STK32B: variants seen among roughly 807,000 people sequenced by gnomAD.
STK32B encodes the protein serine/threonine-protein kinase 32B.
Under a neutral mutation model 52.6 loss-of-function variants are expected in STK32B, and 43 were observed. That is an observed-to-expected ratio of 0.82 (90% CI 0.64 to 1.05). STK32B has a LOEUF of 1.05. Ranked by LOEUF, STK32B falls within the 50% of genes least tolerant of loss-of-function variation. STK32B has a pLI of 0.00. For missense variants in STK32B, 621 were observed against 534.6 expected (o/e 1.16, Z -1.59); for synonymous variants, 238 against 204.3 (o/e 1.17, Z -1.41).
intron 3 of STK32B, among the ~76,000 whole-genome samples, chr4:5,234,916 A>G (rs1724522074): frequency 6.6e-6 from 1 of 152,284 alleles, no homozygotes; most frequent in Admixed American, 6.5e-5. Context: ...AGGTTGAATC[A>G]AAAGAATGAA....
At chr4:5,382,773 C>G (rs1736014329) in intron 4 of STK32B, among the ~76,000 whole-genome samples, 1 of 152,174 alleles carries the variant, frequency 6.6e-6, no homozygotes, top group Admixed American at 6.5e-5. Flanking sequence ...AGCCTGGACT[C>G]ATTCTTTTTT....
At position 5,333,077 on chromosome 4, in the gene STK32B, T is replaced by C. The variant is rs1407362683; in HGVS notation, c.434+1684T>C. ...ATCCCTGAGGAATCGCCACACTGAC[T>C]TCCACAATGGTTGAACTAGTTTACA... On this transcript the variant is annotated intron_variant, in intron 4 of 11. Transcript: ENST00000282908. Among the ~76,000 whole-genome samples the C allele has an allele frequency of 3.3e-5, 5 of 149,350 alleles. No individual in the cohort carries two copies. In the South Asian group the frequency reaches 6.3e-4, roughly 19 times the overall value.
At chr4:5,304,654 C>T (rs1280887304) in intron 3 of STK32B, among the ~76,000 whole-genome samples, 1 of 152,084 alleles carries the variant, frequency 6.6e-6, no homozygotes, top group Admixed American at 6.6e-5. Flanking sequence ...TTCCTCATTA[C>T]CAATTTGGAT....
chr4:5,081,404 A>G (rs1712420906), intron 1 of STK32B, among the ~76,000 whole-genome samples: 1 of 152,178 alleles, frequency 6.6e-6, no homozygotes, highest in Non-Finnish European at 1.5e-5. Flanking sequence ...ATGTCCGTAT[A>G]TCTCCGCATA....
rs1012524394 is a variant in STK32B, at chr4:5,395,710, G to A, written c.435-2497G>A. On this transcript the variant is annotated intron_variant, in intron 4 of 11. Transcript: ENST00000282908. The surrounding 1 kb of genome is among the most constrained non-coding windows in gnomAD (Gnocchi z 4.4). Reference sequence around the variant, plus strand: ...CTCTGTGCTAAGAGCCAACACAGAAGCAATGTGTGTTATGTATCAGGTATT... The same window carrying A: ...CTCTGTGCTAAGAGCCAACACAGAAACAATGTGTGTTATGTATCAGGTATT... Among the ~76,000 whole-genome samples the A allele has an allele frequency of 3.7e-4, 57 of 152,360 alleles. No homozygotes were observed. The highest frequency in any genetic ancestry group is 1.2e-3 in the African/African-American group (51 of 41,586).
At chr4:5,166,720 C>G (rs923253176) in intron 2 of STK32B, among the ~76,000 whole-genome samples, 2 of 151,866 alleles carry the variant, frequency 1.3e-5, no homozygotes, top group African/African-American at 4.8e-5. Context: ...GGACTCCCAG[C>G]CCTCAGAACT....
chr4:5,168,324 C>G lies in STK32B; in HGVS notation c.134C>G (p.Thr45Ser). Residue 45 changes from threonine (T) to serine (S), a missense_variant, in exon 3 of 12, where the codon ACT (threonine) becomes AGT (serine). Physicochemically the swap from Thr to Ser is moderately conservative, Grantham distance 58. Coordinates refer to ENST00000282908, the MANE Select transcript of STK32B (RefSeq NM_018401.3). ...GKVCIVQKRD[T>S]KKMYAMKYMN... is the part of the protein sequence containing the mutation. ...GTATGCATCGTGCAGAAGCGAGACA[C>G]TAAGAAAATGTATGCAATGAAGTAC... 1.2e-6 allele frequency: 2 copies of G among 1,613,922 alleles called. No homozygotes were observed. The highest frequency in any genetic ancestry group is 1.7e-6 in the Non-Finnish European group (2 of 1,179,972).
intron 2 of STK32B, among the ~76,000 whole-genome samples, chr4:5,157,221 G>A (rs184299087): frequency 5.3e-5 from 8 of 151,420 alleles, no homozygotes; most frequent in Non-Finnish European, 2.9e-5. Context: ...GGAATGCCTG[G>A]CAGGATACTG....
At chr4:5,428,466 A>G (rs775577737) in intron 6 of STK32B, among the ~76,000 whole-genome samples, 5 of 152,190 alleles carry the variant, frequency 3.3e-5, no homozygotes, top group Admixed American at 6.5e-5. Flanking sequence ...GGAATTTTTA[A>G]TATATCTTTC....
Position 5,467,955 on chromosome 4 carries a change from G to A in STK32B, c.1042-51G>A, listed in dbSNP as rs763541907. The A allele has an allele frequency of 1.6e-5, 26 of 1,603,900 alleles. No homozygotes were observed. Among genetic ancestry groups the A allele is most frequent in the South Asian group, 1.1e-4 (10 of 90,864 alleles). On this transcript the variant is annotated intron_variant, in intron 10 of 11. Transcript: ENST00000282908. The surrounding 1 kb of genome is among the most constrained non-coding windows in gnomAD (Gnocchi z 5.8). ...GTCCTGTGATGCTCCATTACCGCGCGTCCCCGGACCGTGCTTTGTCATTTA... is the reference window on the plus strand; with the variant it reads ...GTCCTGTGATGCTCCATTACCGCGCATCCCCGGACCGTGCTTTGTCATTTA...
In STK32B at chr4:5,456,870, C is replaced by A. The variant is rs371768913; in HGVS notation, c.730C>A (p.Arg244Ser). The part of the protein sequence containing the change: ...DEILNMFKVE[R>S]VHYSSTWCKG... ...AATCCTCAACATGTTCAAGGTGGAG[C>A]GTGTCCACTACTCCTCCACGTGGTG... is the stretch of plus-strand genomic sequence containing the variant. Residue 244 changes from arginine to serine, a missense_variant, in exon 8 of 12, where the codon CGT (arginine) becomes AGT (serine). Coordinates refer to ENST00000282908, the MANE Select transcript of STK32B (RefSeq NM_018401.3). 1.3e-6 allele frequency: 2 copies of A among 1,598,420 alleles called. No individual in the cohort carries two copies. The highest frequency in any genetic ancestry group is 1.7e-6 in the Non-Finnish European group (2 of 1,171,376).
intron 1 of STK32B, among the ~76,000 whole-genome samples, chr4:5,072,463 C>A (rs572070133): frequency 1.3e-5 from 2 of 152,256 alleles, no homozygotes; most frequent in South Asian, 2.1e-4. Context: ...ATTGCAGAAA[C>A]CCCCTTACCT....
At chr4:5,198,493 G>T (rs749791540) in intron 3 of STK32B, among the ~76,000 whole-genome samples, 17 of 152,176 alleles carry the variant, frequency 1.1e-4, no homozygotes, top group Non-Finnish European at 2.4e-4. Context: ...CTTTCTGCAT[G>T]AATGTTCGAG....
intron 3 of STK32B, among the ~76,000 whole-genome samples, chr4:5,184,604 C>A: frequency 6.6e-6 from 1 of 150,516 alleles, no homozygotes; most frequent in Middle Eastern, 3.4e-3. Flanking sequence ...AGGAGAATTG[C>A]TTGAACCCGG....
chr4:5,275,547 C>A (rs996189466), intron 3 of STK32B, among the ~76,000 whole-genome samples: 2 of 151,986 alleles, frequency 1.3e-5, no homozygotes, highest in African/African-American at 4.8e-5. Context: ...TCCCCTTGAA[C>A]CTTCTGTGAA....
chr4:5,196,451 A>G (rs1721677249), intron 3 of STK32B, among the ~76,000 whole-genome samples: 1 of 147,770 alleles, frequency 6.8e-6, no homozygotes, highest in South Asian at 2.2e-4. Flanking sequence ...GGCCGGGGGC[A>G]GTGGCTGACG....
intron 2 of STK32B, among the ~76,000 whole-genome samples, chr4:5,160,826 A>C (rs975129860): frequency 1.3e-5 from 2 of 152,164 alleles, no homozygotes; most frequent in African/African-American, 4.8e-5. Context: ...GCAGAGAGGG[A>C]GGCTGGGGTG....
At chr4:5,236,902 G>T (rs1217845582) in intron 3 of STK32B, among the ~76,000 whole-genome samples, 2 of 152,160 alleles carry the variant, frequency 1.3e-5, no homozygotes, top group African/African-American at 4.8e-5. Flanking sequence ...CCCAAATGTA[G>T]AATTACTGGG....
intron 11 of STK32B, among the ~76,000 whole-genome samples, chr4:5,483,111 T>C (rs970615557): frequency 1.3e-5 from 2 of 152,060 alleles, no homozygotes; most frequent in African/African-American, 4.8e-5. Context: ...TAAAATGAGT[T>C]AGGGAGGATT....
Sources: gnomAD v4.1 joint callset for allele counts (sites outside exome capture counted in the v4.1 genomes callset) on GRCh38, gnomAD v4.1.1 for gene constraint, Gnocchi (gnomAD v3.1) non-coding constraint, MANE v1.5 for transcripts, NCBI Gene and HGNC (gene_info 2026-07-23, HGNC 2026-07-21) for gene names.